TENM3: variants seen among roughly 807,000 people sequenced by gnomAD.
TENM3 encodes the protein teneurin-3.
Under a neutral mutation model 255.1 loss-of-function variants are expected in TENM3, and 63 were observed. The ratio of observed to expected loss-of-function variants is 0.25; its 90% CI spans 0.20 to 0.30. TENM3 has a LOEUF of 0.30. Ranked by LOEUF, TENM3 falls within the 10% of genes least tolerant of loss-of-function variation. The probability of loss-of-function intolerance (pLI) is 1.00; values close to 1 mark genes in which losing one functional copy is unlikely to be tolerated. For synonymous variants in TENM3, 1,306 were observed against 1,322.3 expected (o/e 0.99, Z 0.27); for missense variants, 2,929 against 3,461.1 (o/e 0.85, Z 3.86).
chr4:182,346,920 A>C lies in TENM3; in HGVS notation c.502A>C (p.Ser168Arg). Reference protein sequence around the residue: ...TDTEHENKSDSENEQPASNQG... With the variant: ...TDTEHENKSDRENEQPASNQG... Reference sequence around the variant, plus strand: ...TACGGAGCACGAAAACAAGTCCGACAGTGAGAATGGTAAGTTTCCTTTTTG... The same window carrying C: ...TACGGAGCACGAAAACAAGTCCGACCGTGAGAATGGTAAGTTTCCTTTTTG... The change falls in exon 3 of 28, where the codon AGT becomes CGT. Residue 168 changes from serine (S) to arginine (R), a missense_variant. Ser to Arg is a moderately radical substitution (Grantham distance 110, BLOSUM62 -1). Transcript: ENST00000511685. 6 of 1,602,970 alleles carry C rather than the reference A, an allele frequency of 3.7e-6. No homozygotes were observed. Among genetic ancestry groups the C allele is most frequent in the Non-Finnish European group, 5.1e-6 (6 of 1,172,910 alleles).
intron 1 of TENM3, among the ~76,000 whole-genome samples, chr4:182,162,413 A>G (rs550230346): frequency 3.3e-5 from 5 of 152,020 alleles, no homozygotes; most frequent in Admixed American, 2.6e-4. Flanking sequence ...TAATTAGACA[A>G]ACTAACACTG....
chr4:182,676,312 G>A (rs1561091799), intron 7 of TENM3, among the ~76,000 whole-genome samples: 4 of 152,170 alleles, frequency 2.6e-5, no homozygotes, highest in South Asian at 2.1e-4. Context: ...TTATGGTGAA[G>A]TATACTGTAG....
chr4:181,979,679 C>T, the TENM3 span, among the ~76,000 whole-genome samples: 2 of 151,918 alleles, frequency 1.3e-5, no homozygotes, highest in Admixed American at 6.6e-5. Context: ...GATGCTCAGC[C>T]CCTTGTCCAA....
chr4:182,655,160 T>C (rs1176446054), intron 6 of TENM3, among the ~76,000 whole-genome samples: 1 of 152,158 alleles, frequency 6.6e-6, no homozygotes. Flanking sequence ...ATAAACAAAA[T>C]GAGTAACTAT....
intron 5 of TENM3, among the ~76,000 whole-genome samples, chr4:182,643,332 T>C (rs1233841923): frequency 6.6e-6 from 1 of 152,214 alleles, no homozygotes; most frequent in Non-Finnish European, 1.5e-5. Flanking sequence ...TATAACATGA[T>C]AGTTTGACTC....
intron 16 of TENM3, among the ~76,000 whole-genome samples, chr4:182,731,874 C>T (rs1285998019): frequency 1.3e-5 from 2 of 151,638 alleles, no homozygotes; most frequent in East Asian, 2.0e-4. Context: ...CTCCACCTCC[C>T]GGGTTCACGC....
At chr4:182,608,678 C>T (rs1043090671) in intron 4 of TENM3, among the ~76,000 whole-genome samples, 2 of 152,148 alleles carry the variant, frequency 1.3e-5, no homozygotes, top group African/African-American at 4.8e-5. Flanking sequence ...AGCGCTTCTG[C>T]AGGCCCGGGT....
chr4:182,002,018 A>T, the TENM3 span, among the ~76,000 whole-genome samples: 1 of 152,248 alleles, frequency 6.6e-6, no homozygotes, highest in African/African-American at 2.4e-5. Flanking sequence ...TTTAAATGTC[A>T]TTAATGTTTT....
At chr4:182,572,239 T>A (rs1744461707) in intron 3 of TENM3, among the ~76,000 whole-genome samples, 1 of 152,174 alleles carries the variant, frequency 6.6e-6, no homozygotes, top group South Asian at 2.1e-4. Context: ...TTGTACTGAT[T>A]CTTGAGTAGC....
At chr4:182,083,784 G>T in the TENM3 span, among the ~76,000 whole-genome samples, 1 of 152,064 alleles carries the variant, frequency 6.6e-6, no homozygotes, top group East Asian at 1.9e-4. Context: ...CGTGGCACTC[G>T]TCTCTTTATG....
intron 3 of TENM3, among the ~76,000 whole-genome samples, chr4:182,442,168 T>A (rs1339100232): frequency 6.6e-6 from 1 of 152,162 alleles, no homozygotes; most frequent in Non-Finnish European, 1.5e-5. Flanking sequence ...CATAAATATA[T>A]GTGCATACTC....
intron 26 of TENM3, among the ~76,000 whole-genome samples, chr4:182,795,176 A>G (rs1191904748): frequency 6.6e-6 from 1 of 152,118 alleles, no homozygotes; most frequent in Non-Finnish European, 1.5e-5. Context: ...GAACCAGCTG[A>G]AAGTCCCTCC....
At chr4:182,304,079 A>T (rs184060953) in intron 1 of TENM3, among the ~76,000 whole-genome samples, 90 of 152,276 alleles carry the variant, frequency 5.9e-4, no homozygotes, top group African/African-American at 2.2e-3. Flanking sequence ...TTCGAGAGGA[A>T]AATTTAAAAT....
intron 24 of TENM3, among the ~76,000 whole-genome samples, chr4:182,780,748 G>T (rs1452609247): frequency 6.6e-6 from 1 of 151,910 alleles, no homozygotes; most frequent in African/African-American, 2.4e-5. Flanking sequence ...GTGGTTTGTA[G>T]TTCTCCTTGA....
In TENM3 at chr4:182,754,396, A is replaced by T; in HGVS notation, c.4029A>T (p.Glu1343Asp). ...TSMHISQVRLEWPTDLAINPM... is the reference protein window; with the variant it reads ...TSMHISQVRLDWPTDLAINPM... Reference sequence around the variant, plus strand: ...CTTTTTTTATTAAGGTACGTCTGGAATGGCCCACTGACCTAGCCATTAACC... The same window carrying T: ...CTTTTTTTATTAAGGTACGTCTGGATTGGCCCACTGACCTAGCCATTAACC... Residue 1343 changes from glutamate to aspartate, a missense_variant, in exon 22 of 28, where the codon GAA becomes GAT. Physicochemically the swap from Glu to Asp is conservative, Grantham distance 45 (BLOSUM62 2). This residue lies in a region of TENM3 where 1,608 missense variants were observed against 1,884.4 expected (regional missense o/e 0.85). Coordinates refer to ENST00000511685, the MANE Select transcript of TENM3 (RefSeq NM_001080477.4). The surrounding 1 kb of genome is among the most constrained non-coding windows in gnomAD (Gnocchi z 5.1). 1 of 1,601,892 alleles carries T rather than the reference A, an allele frequency of 6.2e-7. No individual in the cohort carries two copies. The highest frequency in any genetic ancestry group is 8.5e-7 in the Non-Finnish European group (1 of 1,172,912).
At chr4:182,659,233 T>C (rs1305627322) in intron 6 of TENM3, among the ~76,000 whole-genome samples, 1 of 152,122 alleles carries the variant, frequency 6.6e-6, no homozygotes, top group Non-Finnish European at 1.5e-5. Context: ...TACAGTACCT[T>C]CCCACATCCC....
chr4:182,719,407 G>T (rs142307084), intron 13 of TENM3, among the ~76,000 whole-genome samples: 3 of 151,422 alleles, frequency 2.0e-5, no homozygotes, highest in Non-Finnish European at 4.4e-5. Context: ...GACTATAGGC[G>T]CCCACCACCA....
chr4:182,294,484 G>T (rs929931621), intron 1 of TENM3, among the ~76,000 whole-genome samples: 5 of 151,886 alleles, frequency 3.3e-5, no homozygotes, highest in African/African-American at 1.2e-4. Flanking sequence ...GCCTGGAATT[G>T]ACATGGGGAA....
At chr4:182,053,996 G>A in the TENM3 span, among the ~76,000 whole-genome samples, 1 of 152,126 alleles carries the variant, frequency 6.6e-6, no homozygotes, top group Non-Finnish European at 1.5e-5. Context: ...GACATAAGAT[G>A]ATCAAAGGGA....
Sources: gnomAD v4.1 joint callset for allele counts (sites outside exome capture counted in the v4.1 genomes callset) on GRCh38, gnomAD v4.1.1 for gene constraint, gnomAD v4.1.1 regional missense constraint, Gnocchi (gnomAD v3.1) non-coding constraint, MANE v1.5 for transcripts, NCBI Gene and HGNC (gene_info 2026-07-23, HGNC 2026-07-21) for gene names.